The following SKAP1 variants were observed in gnomAD, a reference collection of about 807,000 sequenced individuals.
SKAP1 encodes src kinase-associated phosphoprotein 1.
SKAP1 carries 44 observed loss-of-function variants against 58.5 expected under a neutral mutation model. The observed-to-expected ratio is 0.75, with a 90% CI of 0.59 to 0.97. The LOEUF is 0.97. Among genes scored for constraint, SKAP1 ranks in the 50% least tolerant of loss-of-function variants. The pLI, the probability that SKAP1 is intolerant of heterozygous loss-of-function variation, is 0.00. For synonymous variants in SKAP1, 127 were observed against 149.7 expected (o/e 0.85, Z 1.11); for missense variants, 390 against 435.2 (o/e 0.90, Z 0.92).
At chr17:48,150,545 T>G (rs1019314326) in intron 11 of SKAP1, among the ~76,000 whole-genome samples, 1 of 152,196 alleles carries the variant, frequency 6.6e-6, no homozygotes, top group African/African-American at 2.4e-5. Flanking sequence ...AATAACAATT[T>G]GAATGTTTCG....
chr17:48,216,427 G>T (rs558104245), intron 4 of SKAP1, among the ~76,000 whole-genome samples: 4 of 151,984 alleles, frequency 2.6e-5, no homozygotes, highest in Non-Finnish European at 5.9e-5. Context: ...ATAACATATT[G>T]CTGATAAGTC....
In SKAP1 at chr17:48,347,229, G is replaced by A. The variant is rs146655536; in HGVS notation, c.179-1223C>T. On this transcript the variant is annotated intron_variant, in intron 3 of 12. Transcript: ENST00000336915. ...GCTGCTTATTTCATTTCACAAACAT[G>A]AAAATAGGATTTTCAACTGAATTTA... Among the ~76,000 whole-genome samples, 4 of 152,246 alleles carry A rather than the reference G, an allele frequency of 2.6e-5. No individual in the cohort carries two copies. In the East Asian group the frequency reaches 5.8e-4, roughly 22 times the overall value.
At chr17:48,298,973 C>A (rs2066021491) in intron 4 of SKAP1, among the ~76,000 whole-genome samples, 1 of 152,008 alleles carries the variant, frequency 6.6e-6, no homozygotes, top group Non-Finnish European at 1.5e-5. Flanking sequence ...AAATTTTGAC[C>A]ATCAGAAACT....
intron 1 of SKAP1, among the ~76,000 whole-genome samples, chr17:48,403,200 A>AG (rs989823086): frequency 1.0e-4 from 7 of 68,740 alleles, no homozygotes; most frequent in African/African-American, 3.7e-4. Context: ...CTGTCTCTAC[A>AG]AAAAAAAAAA....
At chr17:48,279,105 G>A (rs185881863) in intron 4 of SKAP1, among the ~76,000 whole-genome samples, 92 of 152,306 alleles carry the variant, frequency 6.0e-4, no homozygotes, top group African/African-American at 2.0e-3. Flanking sequence ...CCTGGAGGAT[G>A]AGGCCACTTA....
intron 1 of SKAP1, among the ~76,000 whole-genome samples, chr17:48,412,894 T>C (rs986430324): frequency 6.6e-6 from 1 of 152,094 alleles, no homozygotes; most frequent in Admixed American, 6.6e-5. Context: ...TTCAAAACAC[T>C]TTAGGAGGTC....
At chr17:48,272,643 C>T (rs1417006708) in intron 4 of SKAP1, among the ~76,000 whole-genome samples, 1 of 152,042 alleles carries the variant, frequency 6.6e-6, no homozygotes, top group Non-Finnish European at 1.5e-5. Context: ...GCAACCTCTG[C>T]CCATTGGGCT....
intron 4 of SKAP1, among the ~76,000 whole-genome samples, chr17:48,326,927 T>A (rs1257121113): frequency 1.3e-5 from 2 of 150,206 alleles, no homozygotes; most frequent in Non-Finnish European, 1.5e-5. Flanking sequence ...AGTCTTGCTA[T>A]GTCCCCCAGG....
intron 11 of SKAP1, among the ~76,000 whole-genome samples, chr17:48,147,152 A>G (rs1299744028): frequency 6.6e-6 from 1 of 152,182 alleles, no homozygotes; most frequent in African/African-American, 2.4e-5. Flanking sequence ...AGTTCCCTAT[A>G]TCAGTGCTTA....
chr17:48,374,233 G>T (rs1373501834), intron 2 of SKAP1, among the ~76,000 whole-genome samples: 1 of 146,686 alleles, frequency 6.8e-6, no homozygotes, highest in African/African-American at 2.6e-5. Flanking sequence ...TACAGACAGG[G>T]TTTCACCATG....
chr17:48,257,695 C>T (rs1386486858), intron 4 of SKAP1, among the ~76,000 whole-genome samples: 9 of 132,372 alleles, frequency 6.8e-5, no homozygotes, highest in African/African-American at 2.6e-4. Context: ...ATTTGAGGGT[C>T]TCTCACACTG....
At chr17:48,191,052 C>A (rs988059475) in intron 4 of SKAP1, among the ~76,000 whole-genome samples, 1 of 152,142 alleles carries the variant, frequency 6.6e-6, no homozygotes, top group Non-Finnish European at 1.5e-5. Flanking sequence ...ACAAATAATA[C>A]CCTGAAACTT....
At chr17:48,393,749 A>C (rs1043053564) in intron 2 of SKAP1, among the ~76,000 whole-genome samples, 1 of 152,186 alleles carries the variant, frequency 6.6e-6, no homozygotes, top group African/African-American at 2.4e-5. Context: ...CAAAGAGACT[A>C]GGAAGTTGTA....
At chr17:48,198,319 T>G (rs1035252532) in intron 4 of SKAP1, among the ~76,000 whole-genome samples, 4 of 151,590 alleles carry the variant, frequency 2.6e-5, no homozygotes, top group South Asian at 2.1e-4. Flanking sequence ...GCCGGGCGTG[T>G]TGGCGGGCGC....
chr17:48,306,047 T>G (rs1040508002), intron 4 of SKAP1, among the ~76,000 whole-genome samples: 2 of 152,202 alleles, frequency 1.3e-5, no homozygotes, highest in Non-Finnish European at 2.9e-5. Flanking sequence ...TACATAAAGC[T>G]TCTAGAAGTT....
intron 4 of SKAP1, among the ~76,000 whole-genome samples, chr17:48,211,374 T>C (rs146342146): frequency 6.6e-6 from 1 of 152,322 alleles, no homozygotes; most frequent in Non-Finnish European, 1.5e-5. Context: ...TGTTTGCTGG[T>C]TTCTCTTTTG....
intron 4 of SKAP1, among the ~76,000 whole-genome samples, chr17:48,209,925 T>C (rs1352269650): frequency 6.6e-6 from 1 of 152,220 alleles, no homozygotes; most frequent in Non-Finnish European, 1.5e-5. Context: ...TGAAATTCCA[T>C]CATTTGGGGC....
chr17:48,319,703 G>T (rs2066335587), intron 4 of SKAP1, among the ~76,000 whole-genome samples: 1 of 152,148 alleles, frequency 6.6e-6, no homozygotes, highest in Non-Finnish European at 1.5e-5. Context: ...TTAGCTGGGT[G>T]TAGTGGTATG....
intron 4 of SKAP1, among the ~76,000 whole-genome samples, chr17:48,319,200 C>T (rs752914253): frequency 1.3e-5 from 2 of 152,284 alleles, no homozygotes; most frequent in Non-Finnish European, 2.9e-5. Flanking sequence ...AGAAGCACTT[C>T]AGCCATAAAT....
Sources: gnomAD v4.1 joint callset for allele counts (sites outside exome capture counted in the v4.1 genomes callset) on GRCh38, gnomAD v4.1.1 for gene constraint, MANE v1.5 for transcripts, NCBI Gene and HGNC (gene_info 2026-07-23, HGNC 2026-07-21) for gene names.